Variants in ZDHHC15 observed in about 807,000 individuals in gnomAD.
ZDHHC15 encodes palmitoyltransferase ZDHHC15.
Under a neutral mutation model 31.7 loss-of-function variants are expected in ZDHHC15, and 19 were observed. That is an observed-to-expected ratio of 0.60 (90% CI 0.42 to 0.88). The LOEUF (loss-of-function observed/expected upper bound fraction) is 0.88, where lower values mean the gene tolerates loss of function less well. Among genes scored for constraint, ZDHHC15 ranks in the 40% least tolerant of loss-of-function variants. ZDHHC15 has a pLI of 0.00. For missense variants in ZDHHC15, 209 were observed against 251.2 expected (o/e 0.83, Z 1.14); for synonymous variants, 103 against 90.0 (o/e 1.14, Z -0.82).
At chrX:75,388,364 T>G (rs2367174) in intron 10 of ZDHHC15, among the ~76,000 whole-genome samples, 20,204 of 111,164 alleles carry the variant, frequency 0.18, 1,973 homozygotes, top group East Asian at 0.85. Flanking sequence ...CAATAATCAC[T>G]GAAGAAACCT....
At chrX:75,488,888 T>A in intron 2 of ZDHHC15, among the ~76,000 whole-genome samples, 1 of 111,771 alleles carries the variant, frequency 8.9e-6, no homozygotes, top group Non-Finnish European at 1.9e-5. Flanking sequence ...GAAAATCGGG[T>A]CACTCCCACC....
intron 2 of ZDHHC15, among the ~76,000 whole-genome samples, chrX:75,484,259 C>T (rs895105384): frequency 2.7e-5 from 3 of 111,553 alleles, no homozygotes; most frequent in African/African-American, 9.8e-5. Flanking sequence ...TACCTCCTCA[C>T]AACTCCCTTC....
intron 1 of ZDHHC15, among the ~76,000 whole-genome samples, chrX:75,510,219 A>G (rs1371127100): frequency 1.8e-5 from 2 of 111,758 alleles, no homozygotes; most frequent in Non-Finnish European, 3.8e-5. Flanking sequence ...CTCTTCACAT[A>G]GCACAACTTT....
At chrX:75,516,977 C>T (rs1184067341) in intron 1 of ZDHHC15, among the ~76,000 whole-genome samples, 6 of 112,236 alleles carry the variant, frequency 5.3e-5, no homozygotes. Context: ...CCAAAAGATA[C>T]ATGAAAAAAT....
At chrX:75,375,387 C>T (rs1448421129) in intron 11 of ZDHHC15, among the ~76,000 whole-genome samples, 2 of 111,250 alleles carry the variant, frequency 1.8e-5, no homozygotes, top group Middle Eastern at 4.6e-3. Context: ...CATCCTTTGC[C>T]CATTTACTTT....
intron 10 of ZDHHC15, among the ~76,000 whole-genome samples, chrX:75,416,214 C>T (rs1316997768): frequency 9.0e-6 from 1 of 111,182 alleles, no homozygotes; most frequent in Non-Finnish European, 1.9e-5. Flanking sequence ...TAATCAGGGC[C>T]TGGATAATCC....
intron 3 of ZDHHC15, among the ~76,000 whole-genome samples, chrX:75,463,606 A>ACAACAAC (rs1556021740): frequency 5.4e-5 from 6 of 111,336 alleles, no homozygotes; most frequent in African/African-American, 9.8e-5. Flanking sequence ...AACAACAACA[A>ACAACAAC]AAAACCCATC....
intron 4 of ZDHHC15, among the ~76,000 whole-genome samples, chrX:75,432,688 T>A (rs2083795666): frequency 8.9e-6 from 1 of 111,756 alleles, no homozygotes; most frequent in East Asian, 2.8e-4. Flanking sequence ...TGTCAAAATC[T>A]ACATCAGATC....
chrX:75,451,043 C>T, intron 3 of ZDHHC15, 121 bp from the exon 4 acceptor site: 1 of 852,756 alleles, frequency 1.2e-6, no homozygotes, highest in Non-Finnish European at 1.6e-6. Flanking sequence ...TCAGGTACCA[C>T]TTAGTCTTAT....
intron 3 of ZDHHC15, among the ~76,000 whole-genome samples, chrX:75,466,102 A>G (rs1158480156): frequency 1.8e-5 from 2 of 111,926 alleles, no homozygotes; most frequent in Non-Finnish European, 3.8e-5. Flanking sequence ...TTTCTAAGAA[A>G]AAAACAAACA....
intron 4 of ZDHHC15, among the ~76,000 whole-genome samples, chrX:75,446,037 G>A (rs1316532511): frequency 9.0e-6 from 1 of 111,219 alleles, no homozygotes; most frequent in African/African-American, 3.3e-5. Flanking sequence ...CTAAAGGTAA[G>A]GTACAAAGTG....
chrX:75,448,609 TC>T (rs2084066168), intron 4 of ZDHHC15, among the ~76,000 whole-genome samples: 1 of 111,968 alleles, frequency 8.9e-6, no homozygotes, highest in Admixed American at 9.5e-5. Context: ...GTAAACTCAC[TC>T]AAGAATACCT....
chrX:75,434,390 G>A (rs2083822835), intron 4 of ZDHHC15, among the ~76,000 whole-genome samples: 1 of 111,604 alleles, frequency 9.0e-6, no homozygotes, highest in Non-Finnish European at 1.9e-5. Flanking sequence ...TTGGGTTCTT[G>A]GTCATGAACT....
chrX:75,479,210 A>C (rs1244629035), intron 2 of ZDHHC15, among the ~76,000 whole-genome samples: 1 of 112,027 alleles, frequency 8.9e-6, no homozygotes, highest in Non-Finnish European at 1.9e-5. Context: ...AAAAGTTGCC[A>C]TGTCATTCTT....
At chrX:75,520,418 T>C (rs2085426073) in intron 1 of ZDHHC15, among the ~76,000 whole-genome samples, 1 of 111,955 alleles carries the variant, frequency 8.9e-6, no homozygotes, top group South Asian at 3.7e-4. Flanking sequence ...ATTGTGATGA[T>C]TAAATGAATT....
intron 1 of ZDHHC15, among the ~76,000 whole-genome samples, chrX:75,506,468 C>A (rs1378474839): frequency 9.0e-6 from 1 of 111,572 alleles, no homozygotes; most frequent in East Asian, 2.8e-4. Flanking sequence ...TAAAAATTCT[C>A]CTTTTCATGA....
At chrX:75,414,860 G>A (rs2083531173) in intron 10 of ZDHHC15, among the ~76,000 whole-genome samples, 1 of 108,743 alleles carries the variant, frequency 9.2e-6, no homozygotes, top group South Asian at 4.0e-4. Context: ...CCATCTCCTG[G>A]GTTCAAGTGA....
intron 1 of ZDHHC15, among the ~76,000 whole-genome samples, chrX:75,515,451 T>A (rs1602773354): frequency 9.0e-6 from 1 of 110,702 alleles, no homozygotes; most frequent in East Asian, 2.8e-4. Context: ...ATAAACGTAG[T>A]CCATCATATA....
chrX:75,521,774 C>A (rs2085445285), intron 1 of ZDHHC15, among the ~76,000 whole-genome samples: 2 of 110,859 alleles, frequency 1.8e-5, no homozygotes, highest in Admixed American at 1.9e-4. Flanking sequence ...CAAGTGCAAT[C>A]CAATGAGAAG....
Sources: allele counts gnomAD v4.1 joint callset (sites outside exome capture counted in the v4.1 genomes callset), GRCh38; gene constraint gnomAD v4.1.1; transcripts MANE v1.5; gene names NCBI Gene and HGNC (gene_info 2026-07-23, HGNC 2026-07-21).